Variants in CYTH1 observed in about 807,000 individuals in gnomAD.
CYTH1 encodes the protein cytohesin-1.
In CYTH1, 18 loss-of-function variants were observed where a neutral mutation model predicts 61.8. That is an observed-to-expected ratio of 0.29 (90% CI 0.20 to 0.43). The LOEUF is 0.43. Among genes scored for constraint, CYTH1 ranks in the 20% least tolerant of loss-of-function variants. The pLI is 1.00. For missense variants in CYTH1, 336 were observed against 510.5 expected (o/e 0.66, Z 3.29); for synonymous variants, 174 against 184.3 (o/e 0.94, Z 0.45).
At chr17:78,737,158 G>C (rs2093323945) in intron 1 of CYTH1, among the ~76,000 whole-genome samples, 1 of 152,074 alleles carries the variant, frequency 6.6e-6, no homozygotes. Flanking sequence ...GGTATCCAAG[G>C]GGGACTGGTG....
chr17:78,709,543 A>T, intron 2 of CYTH1, 107 bp downstream of exon 2: 1 of 1,063,022 alleles, frequency 9.4e-7, no homozygotes, highest in Non-Finnish European at 1.4e-6. Flanking sequence ...TAGTGAGGGC[A>T]GGTCAAAAGT....
At chr17:78,739,641 T>G (rs2093334414) in intron 1 of CYTH1, among the ~76,000 whole-genome samples, 2 of 152,090 alleles carry the variant, frequency 1.3e-5, no homozygotes, top group Admixed American at 1.3e-4. Context: ...GCTGCCAGGG[T>G]TCTGAGCAAC....
intron 1 of CYTH1, among the ~76,000 whole-genome samples, chr17:78,756,984 T>C (rs549214299): frequency 6.7e-5 from 10 of 149,326 alleles, no homozygotes; most frequent in South Asian, 2.1e-4. Flanking sequence ...TTTTTCTTTT[T>C]TTTCTTTTTT....
Position 78,681,026 on chromosome 17 carries a change from C to A in CYTH1, c.908G>T (p.Gly303Val). Residue 303 changes from glycine to valine, a missense_variant, in exon 12 of 14, where the codon GGA becomes GTA. This residue lies in a region of CYTH1 where 16 missense variants were observed against 57.9 expected (regional missense o/e 0.28). Coordinates refer to ENST00000446868, the MANE Select transcript of CYTH1 (RefSeq NM_004762.6). ...FEYTTDKEPR[G>V]IIPLENLSIR... ...ACTCAGATTCTCTAAAGGGATGATTCCACGGGGCTCCTTATCCTACAGAAC... is the reference window on the plus strand; with the variant it reads ...ACTCAGATTCTCTAAAGGGATGATTACACGGGGCTCCTTATCCTACAGAAC... 1 of 1,614,012 alleles carries A rather than the reference C, an allele frequency of 6.2e-7. No individual in the cohort carries two copies. Among genetic ancestry groups the A allele is most frequent in the Non-Finnish European group, 8.5e-7 (1 of 1,179,984 alleles).
intron 13 of CYTH1, chr17:78,678,570 T>G (rs1203734674): frequency 6.6e-6 from 1 of 152,102 alleles, no homozygotes; most frequent in Non-Finnish European, 1.5e-5. Flanking sequence ...TTCAATAAAT[T>G]TTTTTTTCAG....
chr17:78,679,149 G>C (rs2092731679), intron 13 of CYTH1, among the ~76,000 whole-genome samples: 1 of 152,230 alleles, frequency 6.6e-6, no homozygotes, highest in African/African-American at 2.4e-5. Flanking sequence ...TCGGGAACGG[G>C]GCTGTAGCCT....
chr17:78,734,008 G>C (rs1276777954), intron 1 of CYTH1, among the ~76,000 whole-genome samples: 2 of 152,178 alleles, frequency 1.3e-5, no homozygotes, highest in Admixed American at 1.3e-4. Flanking sequence ...CCAGCACTTT[G>C]GGAGGCCAAG....
chr17:78,712,521 T>C (rs1299666772), intron 1 of CYTH1, among the ~76,000 whole-genome samples: 1 of 151,988 alleles, frequency 6.6e-6, no homozygotes, highest in African/African-American at 2.4e-5. Context: ...CCAGGCATGG[T>C]GGCAGGTGCC....
chr17:78,683,990 G>C (rs955932984), intron 11 of CYTH1, among the ~76,000 whole-genome samples: 2 of 152,154 alleles, frequency 1.3e-5, no homozygotes, highest in African/African-American at 4.8e-5. Flanking sequence ...TGACTGGTGA[G>C]GCCTGCGGCA....
chr17:78,736,422 C>G (rs2093320273), intron 1 of CYTH1, among the ~76,000 whole-genome samples: 1 of 151,636 alleles, frequency 6.6e-6, no homozygotes, highest in African/African-American at 2.4e-5. Context: ...CTCTCTCTCT[C>G]CTCTCTCTCA....
At chr17:78,695,416 T>C (rs1598838122) in intron 10 of CYTH1, among the ~76,000 whole-genome samples, 1 of 152,188 alleles carries the variant, frequency 6.6e-6, no homozygotes, top group African/African-American at 2.4e-5. Context: ...ATTTTGAGTT[T>C]AGGAAATACC....
chr17:78,708,032 C>A (rs945352226), intron 3 of CYTH1, among the ~76,000 whole-genome samples, 165 bp downstream of exon 3: 1 of 152,080 alleles, frequency 6.6e-6, no homozygotes, highest in Non-Finnish European at 1.5e-5. Context: ...GGAGGCCTTG[C>A]GGTGAAGGAT....
chr17:78,773,640 A>T (rs2093480253), intron 1 of CYTH1, among the ~76,000 whole-genome samples: 1 of 152,102 alleles, frequency 6.6e-6, no homozygotes, highest in Admixed American at 6.5e-5. Flanking sequence ...AAAAAAAAAA[A>T]AAAATTAAAT....
At chr17:78,731,631 G>T (rs577082227) in intron 1 of CYTH1, among the ~76,000 whole-genome samples, 2 of 151,714 alleles carry the variant, frequency 1.3e-5, no homozygotes, top group Non-Finnish European at 2.9e-5. Context: ...GGTGGCGGGC[G>T]CCTGTAGTCC....
intron 9 of CYTH1, among the ~76,000 whole-genome samples, chr17:78,697,805 C>T (rs1037547852): frequency 3.9e-5 from 6 of 152,104 alleles, no homozygotes; most frequent in Non-Finnish European, 1.5e-5. Flanking sequence ...TGGACAAGGT[C>T]GGCCACCCTC....
rs992696307 is a variant in CYTH1 at position 78,756,073 on chromosome 17, A to T, written c.22+26129T>A. ...TTGTACACTATTTATTTATTTATTT[A>T]TTTTTATTTTTTTTTTTTTTGAGAC... On this transcript the variant is annotated intron_variant, in intron 1 of 13. Coordinates refer to ENST00000446868, the MANE Select transcript of CYTH1 (RefSeq NM_004762.6). Among the ~76,000 whole-genome samples the T allele has an allele frequency of 8.0e-3, 949 of 118,614 alleles. 14 individuals are homozygous for T. The highest frequency in any genetic ancestry group is 0.027 in the African/African-American group (894 of 33,390). 77.8% of individuals were successfully genotyped at this position (118,614 alleles called of 152,430 possible).
intron 1 of CYTH1, among the ~76,000 whole-genome samples, chr17:78,761,490 A>G (rs201680242): frequency 6.6e-6 from 1 of 152,168 alleles, no homozygotes; most frequent in Non-Finnish European, 1.5e-5. Flanking sequence ...TGTAATCCCA[A>G]CACTTTGGGA....
Position 78,776,483 on chromosome 17 carries a change from C to A in CYTH1, c.22+5719G>T, listed in dbSNP as rs556699632. ...ACCAGCCTGGCCAACATGATGAAAC[C>A]CCATCTCTACTAAAAATACAAAACA... On this transcript the variant is annotated intron_variant, in intron 1 of 13. Transcript: ENST00000446868. Among the ~76,000 whole-genome samples the A allele has an allele frequency of 2.9e-3, 439 of 151,528 alleles. 3 individuals are homozygous for A. The highest frequency in any genetic ancestry group is 9.9e-3 in the African/African-American group (411 of 41,330).
At chr17:78,734,593 C>G (rs1203966576) in intron 1 of CYTH1, among the ~76,000 whole-genome samples, 1 of 151,756 alleles carries the variant, frequency 6.6e-6, no homozygotes, top group African/African-American at 2.4e-5. Context: ...GCTCCTGCCA[C>G]CACACCCGGC....
Sources: allele counts gnomAD v4.1 joint callset (sites outside exome capture counted in the v4.1 genomes callset), GRCh38; gene constraint gnomAD v4.1.1; regional missense constraint gnomAD v4.1.1; transcripts MANE v1.5; gene names NCBI Gene and HGNC (gene_info 2026-07-23, HGNC 2026-07-21).